Variants in PCYOX1 observed in about 807,000 individuals in gnomAD.
PCYOX1 encodes the protein prenylcysteine oxidase 1.
A neutral mutation model predicts 46.4 loss-of-function variants in PCYOX1; 46 were observed. The observed-to-expected ratio is 0.99, with a 90% confidence interval of 0.78 to 1.27. The LOEUF (loss-of-function observed/expected upper bound fraction) is 1.27, where lower values mean the gene tolerates loss of function less well. PCYOX1 is among the 50% of genes most tolerant of loss of function. PCYOX1 has a pLI of 0.00. For synonymous variants in PCYOX1, 220 were observed against 231.8 expected, an observed-to-expected ratio of 0.95 and a Z score of 0.46; for missense variants, 658 against 628.3, an observed-to-expected ratio of 1.05 and a Z score of -0.51.
At chr2:70,273,416 A>G (rs1696628879) in intron 3 of PCYOX1, among the ~76,000 whole-genome samples, 1 of 152,178 alleles carries the variant, frequency 6.6e-6, no homozygotes, top group African/African-American at 2.4e-5. Flanking sequence ...CATTTTGTAC[A>G]CTTATACTAC....
Position 70,276,762 on chromosome 2 carries a change from C to G in PCYOX1, c.888C>G (p.Val296=), listed in dbSNP as rs891178581. 2 of 1,602,160 alleles carry G rather than the reference C, an allele frequency of 1.2e-6. No homozygotes were observed. The highest frequency in any genetic ancestry group is 2.7e-5 in the African/African-American group (2 of 74,250). The change falls in exon 6 of 6, where the codon GTC becomes GTG. Residue 296 remains valine (V), a synonymous_variant. Coordinates refer to ENST00000433351, the MANE Select transcript of PCYOX1 (RefSeq NM_016297.4). ...ATCCAACAAAGATGTATGAAGTGGT[C>G]TACCAAATTGGAACTGAGACTCGTT... ...TGNPTKMYEV[V]YQIGTETRSD...
intron 1 of PCYOX1, chr2:70,258,582 C>T (rs967345167): frequency 7.1e-5 from 21 of 296,850 alleles, no homozygotes; most frequent in African/African-American, 4.7e-4. Context: ...TGTGGGGCTC[C>T]GGGGAGGCCT....
intron 3 of PCYOX1, among the ~76,000 whole-genome samples, chr2:70,266,954 G>A (rs1696532243): frequency 6.6e-6 from 1 of 152,144 alleles, no homozygotes; most frequent in Non-Finnish European, 1.5e-5. Context: ...TCGTCATCAT[G>A]GCCCGTTCTC....
chr2:70,259,329 A>G (rs1428049446), intron 1 of PCYOX1, 31 bp from the exon 2 acceptor site: 1 of 1,588,898 alleles, frequency 6.3e-7, no homozygotes, highest in Admixed American at 1.7e-5. Context: ...TAAAAGGGGA[A>G]AATATAATCT....
chr2:70,261,592 G>C (rs1696441170), intron 3 of PCYOX1, among the ~76,000 whole-genome samples: 1 of 152,208 alleles, frequency 6.6e-6, no homozygotes, highest in African/African-American at 2.4e-5. Context: ...TGCTTCTGAA[G>C]TGTATTTTGC....
Position 70,258,287 on chromosome 2 carries a change from A to AG in PCYOX1, c.112+16dup, listed in dbSNP as rs1461670124. The AG allele has an allele frequency of 1.3e-6, 2 of 1,558,334 alleles. No homozygotes were observed. Among genetic ancestry groups the AG allele is most frequent in the Admixed American group, 1.8e-5 (1 of 56,624 alleles). On this transcript the variant is annotated intron_variant, in intron 1 of 5. Transcript: ENST00000433351. Reference sequence around the variant, plus strand: ...CGCCAGATAAAATCGGTAGGCGAGAAGGGGGCGGCGCGGGAAGGTGCTGGA... The same window carrying AG: ...CGCCAGATAAAATCGGTAGGCGAGAAGGGGGGCGGCGCGGGAAGGTGCTGGA...
chr2:70,266,680 C>T (rs574558630), intron 3 of PCYOX1, among the ~76,000 whole-genome samples: 1 of 152,144 alleles, frequency 6.6e-6, no homozygotes, highest in Admixed American at 6.5e-5. Context: ...AACGAGTATG[C>T]TGCCTTCAAG....
intron 3 of PCYOX1, among the ~76,000 whole-genome samples, chr2:70,267,180 C>T (rs1696536843): frequency 6.6e-6 from 1 of 152,032 alleles, no homozygotes; most frequent in Non-Finnish European, 1.5e-5. Flanking sequence ...GCGCTCTTCA[C>T]ATCTCAGACG....
Position 70,275,162 on chromosome 2 carries a change from C to T in PCYOX1, c.698C>T (p.Ala233Val). 1.9e-6 allele frequency: 3 copies of T among 1,611,972 alleles called. No individual in the cohort carries two copies. Among genetic ancestry groups the T allele is most frequent in the Non-Finnish European group, 2.5e-6 (3 of 1,178,052 alleles). ...TATGGCCAAAGCACGGACATCAATG[C>T]CTTTGTGGGTAAGCCAGGGCTTGAA... ...VNYGQSTDIN[A>V]FVGAVSLSCS... The change falls in exon 4 of 6, where the codon GCC becomes GTC. Residue 233 changes from alanine to valine, a missense_variant. Physicochemically the swap from Ala to Val is moderately conservative, Grantham distance 64. Transcript: ENST00000433351.
At chr2:70,271,858 T>A (rs1383747869) in intron 3 of PCYOX1, among the ~76,000 whole-genome samples, 1 of 151,282 alleles carries the variant, frequency 6.6e-6, no homozygotes, top group African/African-American at 2.4e-5. Context: ...CAAATATATT[T>A]TCTTTAACAG....
rs866774628 is a variant in PCYOX1, at chr2:70,272,373, C to G, written c.495-2586C>G. ...AACTCCTGACCTCAAGCGATCTGCC[C>G]GCCTCAGCCTCCCAAAGTGCTGGGA... On this transcript the variant is annotated intron_variant, in intron 3 of 5. Transcript: ENST00000433351. Among the ~76,000 whole-genome samples the G allele has an allele frequency of 3.9e-5, 6 of 152,106 alleles. No individual in the cohort carries two copies. In the East Asian group the frequency reaches 1.2e-3, roughly 29 times the overall value.
At chr2:70,274,551 C>CTTTTCTTTTTTT (rs551325267) in intron 3 of PCYOX1, among the ~76,000 whole-genome samples, 1 of 140,528 alleles carries the variant, frequency 7.1e-6, no homozygotes, top group African/African-American at 2.6e-5. Flanking sequence ...TCCTTAGTTT[C>CTTTTCTTTTTTT]TTTTCTTTTT....
chr2:70,269,498 GC>G (rs1396090183), intron 3 of PCYOX1, among the ~76,000 whole-genome samples: 8 of 151,620 alleles, frequency 5.3e-5, no homozygotes, highest in Non-Finnish European at 2.9e-5. Context: ...ACCAACCCTG[GC>G]TAATTTTTTG....
intron 3 of PCYOX1, among the ~76,000 whole-genome samples, chr2:70,269,748 C>T (rs893094104): frequency 6.9e-6 from 1 of 144,746 alleles, no homozygotes; most frequent in African/African-American, 2.5e-5. Flanking sequence ...CACGTGGACA[C>T]GTGCCCTCAG....
At chr2:70,263,699 G>T (rs976577938) in intron 3 of PCYOX1, among the ~76,000 whole-genome samples, 2 of 150,512 alleles carry the variant, frequency 1.3e-5, no homozygotes, top group Non-Finnish European at 3.0e-5. Context: ...TCGTTTTGTC[G>T]CCCAGGCTGG....
chr2:70,277,469 G>T lies in PCYOX1; in HGVS notation c.*77G>T. On this transcript the variant is annotated 3_prime_UTR_variant, in exon 6 of 6. Transcript: ENST00000433351. ...AAAAGAACAAAATCTGAGCAGAGAT[G>T]ATTTTGAACCAGATATTTTGCCATT... is the stretch of plus-strand genomic sequence containing the variant. 1 of 1,176,272 alleles carries T rather than the reference G, an allele frequency of 8.5e-7. No individual in the cohort carries two copies. The highest frequency in any genetic ancestry group is 1.2e-6 in the Non-Finnish European group (1 of 823,472). The allele number at this position is 1,176,272 out of a possible 1,614,324, so 72.9% of individuals were successfully genotyped here. A position where few individuals can be genotyped will look rare whatever the true frequency, so the allele number is the denominator to read the frequency against.
At chr2:70,262,582 C>T (rs564495091) in intron 3 of PCYOX1, among the ~76,000 whole-genome samples, 13 of 150,706 alleles carry the variant, frequency 8.6e-5, no homozygotes, top group South Asian at 8.4e-4. Context: ...CTGGTTCAAG[C>T]GATTCTCCTG....
intron 3 of PCYOX1, among the ~76,000 whole-genome samples, chr2:70,272,126 T>A (rs892099684): frequency 4.3e-5 from 5 of 116,710 alleles, no homozygotes; most frequent in African/African-American, 1.5e-4. Flanking sequence ...TAATTTTTAA[T>A]TTTTTTTTTT....
At position 70,261,356 on chromosome 2, in the gene PCYOX1, G is replaced by T. The variant is rs752906182; in HGVS notation, c.464G>T (p.Trp155Leu). 1.2e-6 allele frequency: 2 copies of T among 1,612,852 alleles called. No individual in the cohort carries two copies. The highest frequency in any genetic ancestry group is 1.7e-6 in the Non-Finnish European group (2 of 1,179,016). The change falls in exon 3 of 6, where the codon TGG becomes TTG. Residue 155 changes from tryptophan to leucine, a missense_variant. Physicochemically the swap from Trp to Leu is moderately conservative, Grantham distance 61. Coordinates refer to ENST00000433351, the MANE Select transcript of PCYOX1 (RefSeq NM_016297.4). ...YGFQSLRMHM[W>L]VEDVLDKFMR... ...TTTCAATCCCTCCGTATGCACATGT[G>T]GGTAGAGGACGTGTTAGACAAGTTC...
Sources: allele counts gnomAD v4.1 joint callset (sites outside exome capture counted in the v4.1 genomes callset), GRCh38; gene constraint gnomAD v4.1.1; transcripts MANE v1.5; gene names NCBI Gene and HGNC (gene_info 2026-07-23, HGNC 2026-07-21).